The following ITPR2 variants were observed in gnomAD, a reference collection of about 807,000 sequenced individuals.
ITPR2 encodes the protein inositol 1,4,5-trisphosphate-gated calcium channel ITPR2.
ITPR2 carries 207 observed loss-of-function variants against 317.1 expected under a neutral mutation model. The ratio of observed to expected loss-of-function variants is 0.65; its 90% confidence interval spans 0.58 to 0.73. The LOEUF is 0.73. ITPR2 is among the 30% of genes least tolerant of loss of function. The pLI is 0.00. For missense variants in ITPR2, 2,613 were observed against 3,284.0 expected (o/e 0.80, Z 4.99); for synonymous variants, 1,156 against 1,149.1 (o/e 1.01, Z -0.12).
chr12:26,721,610 G>A (rs78693338), intron 5 of ITPR2, among the ~76,000 whole-genome samples: 9,321 of 151,994 alleles, frequency 0.061, 370 homozygotes, highest in African/African-American at 0.12. Flanking sequence ...CCTGAGCATC[G>A]TCCATGTGCT....
chr12:26,474,731 T>G (rs1942372522), intron 45 of ITPR2, among the ~76,000 whole-genome samples: 1 of 144,026 alleles, frequency 6.9e-6, no homozygotes, highest in African/African-American at 2.6e-5. Flanking sequence ...GAGGCGGAGC[T>G]TGCAGTGAGC....
chr12:26,618,706 A>G (rs971071005), intron 26 of ITPR2, among the ~76,000 whole-genome samples: 57 of 152,384 alleles, frequency 3.7e-4, no homozygotes, highest in African/African-American at 1.3e-3. Context: ...CTTTCACAGC[A>G]GCACTGCTTG....
intron 21 of ITPR2, among the ~76,000 whole-genome samples, chr12:26,647,885 T>A (rs796970206): frequency 5.9e-5 from 9 of 152,334 alleles, no homozygotes; most frequent in African/African-American, 2.2e-4. Flanking sequence ...CAAGCCTCAA[T>A]CATTTTCTGA....
intron 55 of ITPR2, among the ~76,000 whole-genome samples, chr12:26,376,843 C>T (rs1243191281): frequency 6.6e-6 from 1 of 152,098 alleles, no homozygotes; most frequent in African/African-American, 2.4e-5. Context: ...ATCCTCCTGC[C>T]TCAGCCTCCT....
intron 37 of ITPR2, among the ~76,000 whole-genome samples, chr12:26,528,026 G>A (rs2136953439): frequency 1.3e-5 from 2 of 152,298 alleles, no homozygotes; most frequent in South Asian, 4.1e-4. Flanking sequence ...CCCAAGTTCT[G>A]CCTGACCCCA....
intron 45 of ITPR2, among the ~76,000 whole-genome samples, chr12:26,459,285 C>T (rs1270693174): frequency 6.6e-6 from 1 of 152,180 alleles, no homozygotes; most frequent in African/African-American, 2.4e-5. Flanking sequence ...TCTCATTCTC[C>T]CCTCTTCTCC....
chr12:26,597,648 T>A (rs6487563), intron 30 of ITPR2, among the ~76,000 whole-genome samples: 109,736 of 151,996 alleles, frequency 0.72, 41,152 homozygotes, highest in Non-Finnish European at 0.83. Context: ...AAAAGCAGAG[T>A]TAAGAGAAAT....
At chr12:26,686,255 T>C (rs925096321) in intron 11 of ITPR2, among the ~76,000 whole-genome samples, 1 of 152,090 alleles carries the variant, frequency 6.6e-6, no homozygotes, top group Non-Finnish European at 1.5e-5. Flanking sequence ...TAAATGATTC[T>C]TATAAATTTT....
At chr12:26,622,736 T>C (rs1330754650) in intron 24 of ITPR2, among the ~76,000 whole-genome samples, 2 of 152,170 alleles carry the variant, frequency 1.3e-5, no homozygotes, top group Non-Finnish European at 2.9e-5. Context: ...TGGGAGGAGC[T>C]GTGCTAGGCT....
chr12:26,819,282 A>G (rs1184277846), intron 1 of ITPR2, among the ~76,000 whole-genome samples: 2 of 152,220 alleles, frequency 1.3e-5, no homozygotes, highest in Non-Finnish European at 2.9e-5. Context: ...AGAATTTCAA[A>G]TTCTTGAAGA....
intron 45 of ITPR2, among the ~76,000 whole-genome samples, chr12:26,467,845 T>G (rs1942204484): frequency 6.6e-6 from 1 of 152,182 alleles, no homozygotes; most frequent in Admixed American, 6.5e-5. Context: ...AGATTCTTAG[T>G]TGCTCAGTGA....
chr12:26,361,199 G>A (rs1282310397), intron 55 of ITPR2, among the ~76,000 whole-genome samples: 2 of 116,814 alleles, frequency 1.7e-5, no homozygotes, highest in South Asian at 3.2e-4. Context: ...TGGGCAACAA[G>A]AGCAAAACTC....
chr12:26,385,903 T>G (rs1939652057), intron 55 of ITPR2, among the ~76,000 whole-genome samples: 1 of 152,112 alleles, frequency 6.6e-6, no homozygotes, highest in African/African-American at 2.4e-5. Flanking sequence ...ACCTGGCATA[T>G]TCTACTTTGG....
chr12:26,463,948 T>C (rs1450294516), intron 45 of ITPR2, among the ~76,000 whole-genome samples: 2 of 152,194 alleles, frequency 1.3e-5, no homozygotes, highest in Non-Finnish European at 2.9e-5. Context: ...TCTCTGTGCA[T>C]ATTTTCCCTA....
chr12:26,427,579 T>A (rs183517697), intron 49 of ITPR2, among the ~76,000 whole-genome samples: 7 of 152,296 alleles, frequency 4.6e-5, no homozygotes, highest in Admixed American at 3.9e-4. Flanking sequence ...ATTTACGATG[T>A]CACTTTGGAA....
chr12:26,395,058 A>C (rs554731615), intron 54 of ITPR2, among the ~76,000 whole-genome samples: 1 of 152,272 alleles, frequency 6.6e-6, no homozygotes, highest in South Asian at 2.1e-4. Flanking sequence ...TGCCTGTCTA[A>C]CTGTCCAGTG....
chr12:26,725,749 C>T lies in ITPR2; in HGVS notation c.180G>A (p.Val60=), dbSNP rs538364234. 1 of 1,612,656 alleles carries T rather than the reference C, an allele frequency of 6.2e-7. No individual in the cohort carries two copies. Among genetic ancestry groups the T allele is most frequent in the Non-Finnish European group, 8.5e-7 (1 of 1,178,946 alleles). ...PKKFRDCLFK[V]CPMNRYSAQK... The stretch of plus-strand genomic sequence containing the variant: ...GGGCAGAATATCTGTTCATAGGGCA[C>T]ACCTTGAAAAGGCAGTCTGTGACAA... Residue 60 remains valine, a synonymous_variant, in exon 3 of 57, where the codon GTG becomes GTA. Coordinates refer to ENST00000381340, the MANE Select transcript of ITPR2 (RefSeq NM_002223.4).
At position 26,620,026 on chromosome 12, in the gene ITPR2, C is replaced by T. The variant is rs539403074; in HGVS notation, c.3462+1097G>A. On this transcript the variant is annotated intron_variant, in intron 26 of 56. Transcript: ENST00000381340. ...GCTAATAACCTACACATTGTCCTTC[C>T]TATGATGCACTTTATTACCTGGCAT... Among the ~76,000 whole-genome samples, 6 of 152,268 alleles carry T rather than the reference C, an allele frequency of 3.9e-5. No individual in the cohort carries two copies. In the South Asian group the frequency reaches 1.0e-3, roughly 26 times the overall value.
At chr12:26,569,577 AAAAAAAG>A (rs1945103167) in intron 34 of ITPR2, among the ~76,000 whole-genome samples, 1 of 133,810 alleles carries the variant, frequency 7.5e-6, no homozygotes, top group Non-Finnish European at 1.7e-5. Flanking sequence ...ATCAGAAAAG[AAAAAAAG>A]AGAAAAAAAT....
Sources: allele counts gnomAD v4.1 joint callset (sites outside exome capture counted in the v4.1 genomes callset), GRCh38; gene constraint gnomAD v4.1.1; transcripts MANE v1.5; gene names NCBI Gene and HGNC (gene_info 2026-07-23, HGNC 2026-07-21).